METTL5: variants seen among roughly 807,000 people sequenced by gnomAD.
METTL5 encodes the protein methyltransferase 5, N6-adenosine.
In METTL5, 28 loss-of-function variants were observed where a neutral mutation model predicts 26.5. The ratio of observed to expected loss-of-function variants is 1.06; its 90% CI spans 0.78 to 1.45. The LOEUF is 1.45. METTL5 is among the 40% of genes most tolerant of loss of function. The probability of loss-of-function intolerance (pLI) is 0.00; values close to 1 mark genes in which losing one functional copy is unlikely to be tolerated. For synonymous variants in METTL5, 86 were observed against 82.6 expected, an observed-to-expected ratio of 1.04 and a Z score of -0.22; for missense variants, 231 against 249.9, an observed-to-expected ratio of 0.92 and a Z score of 0.51.
intron 5 of METTL5, among the ~76,000 whole-genome samples, chr2:169,815,035 G>A (rs576453133): frequency 1.3e-5 from 2 of 152,162 alleles, no homozygotes; most frequent in East Asian, 1.9e-4. Flanking sequence ...GAGATTACAC[G>A]TGTGCGCCAC....
At chr2:169,814,961 G>C (rs888208342) in intron 5 of METTL5, among the ~76,000 whole-genome samples, 1 of 151,026 alleles carries the variant, frequency 6.6e-6, no homozygotes, top group African/African-American at 2.4e-5. Flanking sequence ...GTGCGATCTC[G>C]GCTCACTGCA....
chr2:169,819,573 G>T lies in METTL5; in HGVS notation c.477C>A (p.Ser159=). Residue 159 remains serine, a synonymous_variant, in exon 4 of 7, where the codon TCC becomes TCA. Transcript: ENST00000260953. ...ARTAVYSLHK[S]STREHVQKKA... ...GATTTGAACTTACTTCTCTAGTTGA[G>T]GATTTGTGTAAGGAATATACTGCTG... The T allele has an allele frequency of 6.2e-7, 1 of 1,609,830 alleles. No homozygotes were observed. The highest frequency in any genetic ancestry group is 8.5e-7 in the Non-Finnish European group (1 of 1,177,016).
At position 169,819,656 on chromosome 2, in the gene METTL5, G is replaced by GA; in HGVS notation, c.407-14dup. 3 of 1,583,248 alleles carry GA rather than the reference G, an allele frequency of 1.9e-6. No homozygotes were observed. Among genetic ancestry groups the GA allele is most frequent in the South Asian group, 1.1e-5 (1 of 88,982 alleles). ...GCCATATCTGTCCCTGTGAAGAGTA[G>GA]AAAAAAAGCTCCTATTTACCTCTTC... On this transcript the variant is annotated splice_polypyrimidine_tract_variant and intron_variant, in intron 3 of 6. Coordinates refer to ENST00000260953, the MANE Select transcript of METTL5 (RefSeq NM_014168.4).
intron 4 of METTL5, among the ~76,000 whole-genome samples, chr2:169,819,264 AC>A (rs1415651146): frequency 1.3e-5 from 2 of 152,152 alleles, no homozygotes; most frequent in Non-Finnish European, 2.9e-5. Context: ...ACTAAGACTT[AC>A]TCAGAGAAAC....
Position 169,812,044 on chromosome 2 carries a change from A to G in METTL5, c.592-186T>C, listed in dbSNP as rs1166486343. 14 of 688,168 alleles carry G rather than the reference A, an allele frequency of 2.0e-5. No homozygotes were observed. In the East Asian group the frequency reaches 3.7e-4, roughly 18 times the overall value. The allele number at this position is 688,168 out of a possible 1,614,324, so 42.6% of individuals were successfully genotyped here. ...GTACAAACTAACTAATAAAATATAT[A>G]CTATATGAAAAGAGCAAAAACAGTT... On this transcript the variant is annotated intron_variant, in intron 6 of 6. Transcript: ENST00000260953.
rs1431959263 is a variant in METTL5, at chr2:169,815,465, G to T, written c.541+12C>A. On this transcript the variant is annotated intron_variant, in intron 5 of 6. Coordinates refer to ENST00000260953, the MANE Select transcript of METTL5 (RefSeq NM_014168.4). The stretch of plus-strand genomic sequence containing the variant: ...TGGCCCTTTTGGATATTAGGATTGA[G>T]ATTTGTCTTACCTGCTATAATATCT... 35 of 1,583,876 alleles carry T rather than the reference G, an allele frequency of 2.2e-5. No homozygotes were observed. Among genetic ancestry groups the T allele is most frequent in the Non-Finnish European group, 2.9e-5 (34 of 1,159,008 alleles).
Position 169,812,250 on chromosome 2 carries a change from T to C in METTL5, c.591+207A>G, listed in dbSNP as rs1405024964. 5 of 729,084 alleles carry C rather than the reference T, an allele frequency of 6.9e-6. No homozygotes were observed. In the Admixed American group the frequency reaches 1.5e-4, roughly 22 times the overall value. 45.2% of individuals were successfully genotyped at this position (729,084 alleles called of 1,614,324 possible). A position where few individuals can be genotyped will look rare whatever the true frequency, so the allele number is the denominator to read the frequency against. ...TTGTCACAAAGCTTTCCTTTTTTTTTCTTTTTCGAGACTGAGTCTCACTCT... is the reference window on the plus strand; with the variant it reads ...TTGTCACAAAGCTTTCCTTTTTTTTCCTTTTTCGAGACTGAGTCTCACTCT... On this transcript the variant is annotated intron_variant, in intron 6 of 6. Coordinates refer to ENST00000260953, the MANE Select transcript of METTL5 (RefSeq NM_014168.4).
intron 5 of METTL5, among the ~76,000 whole-genome samples, chr2:169,813,565 C>T (rs912424210): frequency 1.3e-5 from 2 of 151,658 alleles, no homozygotes; most frequent in Admixed American, 6.6e-5. Flanking sequence ...CATATAATAC[C>T]TAAAACTGGC....
intron 4 of METTL5, among the ~76,000 whole-genome samples, chr2:169,815,937 T>C (rs902057041): frequency 1.3e-5 from 2 of 152,220 alleles, no homozygotes; most frequent in Non-Finnish European, 2.9e-5. Flanking sequence ...AGAATACCAT[T>C]GTGTTACAAT....
chr2:169,822,313 CCA>C (rs1193002407), intron 1 of METTL5, among the ~76,000 whole-genome samples: 7 of 94,438 alleles, frequency 7.4e-5, no homozygotes, highest in African/African-American at 2.1e-4. Flanking sequence ...AAAACTGTGC[CCA>C]GTCTCTGAGG....
At chr2:169,822,186 A>G (rs2081594649) in intron 1 of METTL5, 129 bp from the exon 2 acceptor site, 1 of 1,318,200 alleles carries the variant, frequency 7.6e-7, no homozygotes, top group Admixed American at 2.8e-5. Context: ...ATTCCAGATT[A>G]TTTTTGTAAA....
chr2:169,819,897 G>T (rs1007082798), intron 3 of METTL5, among the ~76,000 whole-genome samples: 1 of 151,594 alleles, frequency 6.6e-6, no homozygotes, highest in African/African-American at 2.4e-5. Flanking sequence ...TTCAAAAAGG[G>T]GAGAAGGAAA....
chr2:169,818,620 T>G (rs2081542003), intron 4 of METTL5, among the ~76,000 whole-genome samples: 1 of 152,238 alleles, frequency 6.6e-6, no homozygotes, highest in African/African-American at 2.4e-5. Context: ...ATTTTATGCT[T>G]TTTAAAAGGT....
At chr2:169,821,504 G>C (rs1360147095) in intron 2 of METTL5, among the ~76,000 whole-genome samples, 2 of 151,588 alleles carry the variant, frequency 1.3e-5, no homozygotes, top group Non-Finnish European at 2.9e-5. Context: ...TCCCACCTCA[G>C]CCTCCCAAGT....
intron 1 of METTL5, among the ~76,000 whole-genome samples, chr2:169,822,776 T>G (rs145138780): frequency 2.0e-5 from 3 of 152,190 alleles, no homozygotes; most frequent in African/African-American, 7.2e-5. Context: ...ACAAGCACCA[T>G]AAGCTCCACA....
chr2:169,822,066 TAAAAAA>T lies in METTL5; in HGVS notation c.110-15_110-10del. 1 of 1,185,952 alleles carries T rather than the reference TAAAAAA, an allele frequency of 8.4e-7. No individual in the cohort carries two copies. The highest frequency in any genetic ancestry group is 2.4e-4 in the Middle Eastern group (1 of 4,190). 73.5% of individuals were successfully genotyped at this position (1,185,952 alleles called of 1,614,324 possible). On this transcript the variant is annotated splice_polypyrimidine_tract_variant and intron_variant, in intron 1 of 6. Coordinates refer to ENST00000260953, the MANE Select transcript of METTL5 (RefSeq NM_014168.4). ...TGTATAGAGCATACATGCTAAAAAA[TAAAAAA>T]AAAAAGAATAAGTAAGCAAGCCGGT...
intron 5 of METTL5, among the ~76,000 whole-genome samples, chr2:169,814,332 A>T (rs1475874421): frequency 1.3e-5 from 2 of 151,722 alleles, no homozygotes; most frequent in Non-Finnish European, 2.9e-5. Context: ...ACTAAAGATT[A>T]AAAAATTAGC....
At position 169,824,837 on chromosome 2, in the gene METTL5, C is replaced by A. The variant is rs1232378135; in HGVS notation, c.-240G>T. The stretch of plus-strand genomic sequence containing the variant: ...CGGCGGCGGCGCACTGCTGGAGCAG[C>A]CTCAGGATCCCTCGCGCCACGACCA... On this transcript the variant is annotated 5_prime_UTR_variant, in exon 1 of 7. Transcript: ENST00000260953. 5.3e-6 allele frequency: 2 copies of A among 378,606 alleles called. No homozygotes were observed. The allele number at this position is 378,606 out of a possible 1,614,324, so 23.5% of individuals were successfully genotyped here.
chr2:169,815,659 T>G, intron 4 of METTL5, 131 bp from the exon 5 acceptor site: 1 of 583,874 alleles, frequency 1.7e-6, no homozygotes, highest in Non-Finnish European at 2.9e-6. Flanking sequence ...TATAAAAATT[T>G]CAATTGAATG....
Sources: gnomAD v4.1 joint callset for allele counts (sites outside exome capture counted in the v4.1 genomes callset) on GRCh38, gnomAD v4.1.1 for gene constraint, MANE v1.5 for transcripts, NCBI Gene and HGNC (gene_info 2026-07-23, HGNC 2026-07-21) for gene names.